GRM7: variants seen among roughly 807,000 people sequenced by gnomAD.
GRM7 encodes glutamate metabotropic receptor 7, also known as metabotropic glutamate receptor 7.
A neutral mutation model predicts 84.5 loss-of-function variants in GRM7; 35 were observed. The observed-to-expected ratio is 0.41, with a 90% confidence interval of 0.32 to 0.55. The LOEUF (loss-of-function observed/expected upper bound fraction) is 0.55, where lower values mean the gene tolerates loss of function less well. Among genes scored for constraint, GRM7 ranks in the 20% least tolerant of loss-of-function variants. GRM7 has a pLI of 0.19. For synonymous variants in GRM7, 487 were observed against 455.1 expected (o/e 1.07, Z -0.89); for missense variants, 1,003 against 1,194.6 (o/e 0.84, Z 2.36).
intron 5 of GRM7, among the ~76,000 whole-genome samples, chr3:7,425,417 C>T (rs1203660536): frequency 6.6e-6 from 1 of 152,192 alleles, no homozygotes; most frequent in African/African-American, 2.4e-5. Flanking sequence ...GTAGCCCTGA[C>T]TATAAAATTC....
intron 2 of GRM7, among the ~76,000 whole-genome samples, chr3:7,212,620 C>A (rs1181709991): frequency 6.6e-6 from 1 of 152,130 alleles, no homozygotes; most frequent in Non-Finnish European, 1.5e-5. Context: ...TAATTTTGTA[C>A]AATGTAGCTT....
intron 5 of GRM7, among the ~76,000 whole-genome samples, chr3:7,430,118 C>A (rs1696767709): frequency 6.6e-6 from 1 of 151,992 alleles, no homozygotes. Flanking sequence ...GACCTTATCT[C>A]AAATAAATAA....
intron 5 of GRM7, among the ~76,000 whole-genome samples, chr3:7,442,672 T>C (rs1697338124): frequency 6.6e-6 from 1 of 152,260 alleles, no homozygotes; most frequent in East Asian, 1.9e-4. Context: ...AGGAAGGGAC[T>C]AAAGTCCCTT....
chr3:7,556,594 A>G (rs1693772119), intron 7 of GRM7, among the ~76,000 whole-genome samples: 1 of 152,144 alleles, frequency 6.6e-6, no homozygotes. Flanking sequence ...GCATTGTACT[A>G]ACTGATGAGG....
At chr3:7,408,181 T>TA (rs1261569242) in intron 4 of GRM7, among the ~76,000 whole-genome samples, 4 of 152,202 alleles carry the variant, frequency 2.6e-5, no homozygotes, top group Admixed American at 6.5e-5. Context: ...ATCAATTTAA[T>TA]ATGTATTGTT....
At position 6,861,139 on chromosome 3, in the gene GRM7, AG is replaced by A; in HGVS notation, c.-249del. On this transcript the variant is annotated 5_prime_UTR_variant, in exon 1 of 10. Coordinates refer to ENST00000357716, the MANE Select transcript of GRM7 (RefSeq NM_000844.4). This position sits in a 1 kb window ranked among gnomAD's most constrained non-coding sequence, Gnocchi z 6.4. ...CAGTGCTGGGCTGTTGGAGAGAGCGAGCAGCAAGCCGGTGAGCGCGAGCGCG... is the reference window on the plus strand; with the variant it reads ...CAGTGCTGGGCTGTTGGAGAGAGCGACAGCAAGCCGGTGAGCGCGAGCGCG... 4.8e-6 allele frequency: 2 copies of A among 416,846 alleles called. No individual in the cohort carries two copies. Among genetic ancestry groups the A allele is most frequent in the Non-Finnish European group, 8.4e-6 (2 of 238,266 alleles). The allele number at this position is 416,846 out of a possible 1,614,324, so 25.8% of individuals were successfully genotyped here.
Position 7,394,907 on chromosome 3 carries a change from G to A in GRM7, c.1034-20116G>A, listed in dbSNP as rs572615677. ...ACAAAAATTAGCCAGGCGTGGTGGC[G>A]GGCACCCATAATCCCAGCTACTCAG... is the stretch of plus-strand genomic sequence containing the variant. On this transcript the variant is annotated intron_variant, in intron 4 of 9. Transcript: ENST00000357716. 8.8e-4 allele frequency among the ~76,000 whole-genome samples: 133 copies of A among 151,826 alleles called. 1 individual carries two copies. Among genetic ancestry groups the A allele is most frequent in the Non-Finnish European group, 1.5e-3 (105 of 67,980 alleles).
At chr3:7,707,458 T>A (rs1161291247) in intron 9 of GRM7, among the ~76,000 whole-genome samples, 1 of 152,140 alleles carries the variant, frequency 6.6e-6, no homozygotes, top group Non-Finnish European at 1.5e-5. Context: ...CCACGTGTGC[T>A]TTGCCATTAA....
At chr3:7,622,189 A>G (rs1697392033) in intron 8 of GRM7, among the ~76,000 whole-genome samples, 1 of 152,082 alleles carries the variant, frequency 6.6e-6, no homozygotes, top group Non-Finnish European at 1.5e-5. Context: ...TTGATAGTAG[A>G]TGTGTCAGTT....
chr3:7,281,413 T>C (rs976331388), intron 2 of GRM7, among the ~76,000 whole-genome samples: 1 of 152,156 alleles, frequency 6.6e-6, no homozygotes, highest in African/African-American at 2.4e-5. Context: ...AATGTTAGAG[T>C]TGGAAGATCT....
intron 8 of GRM7, among the ~76,000 whole-genome samples, chr3:7,627,262 C>T (rs1203265695): frequency 6.6e-6 from 1 of 152,160 alleles, no homozygotes; most frequent in Non-Finnish European, 1.5e-5. Flanking sequence ...TTGATCAGCA[C>T]ATGTTTGAGA....
At chr3:7,312,919 CT>C (rs1176838154) in intron 4 of GRM7, among the ~76,000 whole-genome samples, 1 of 140,968 alleles carries the variant, frequency 7.1e-6, no homozygotes, top group Non-Finnish European at 1.5e-5. Flanking sequence ...CCTTCTCCTC[CT>C]TTTTTTTCTT....
chr3:7,301,155 C>T (rs981686927), intron 3 of GRM7, among the ~76,000 whole-genome samples: 1 of 117,452 alleles, frequency 8.5e-6, no homozygotes, highest in African/African-American at 2.6e-5. Context: ...ATGGTCTTTG[C>T]TCACGATGTT....
At chr3:6,940,178 G>A (rs767905810) in intron 1 of GRM7, among the ~76,000 whole-genome samples, 8 of 152,034 alleles carry the variant, frequency 5.3e-5, no homozygotes, top group African/African-American at 1.2e-4. Flanking sequence ...TGCAGACTCC[G>A]CCTCCCGGGT....
Position 7,550,569 on chromosome 3 carries a change from CTCTCTCTCTGTGTGTG to C in GRM7, c.1516-27851_1516-27836del, listed in dbSNP as rs1484944949. Among the ~76,000 whole-genome samples the C allele has an allele frequency of 2.3e-3, 225 of 96,798 alleles. 1 individual carries two copies. The highest frequency in any genetic ancestry group is 7.2e-3 in the South Asian group (20 of 2,768). 63.5% of individuals were successfully genotyped at this position (96,798 alleles called of 152,430 possible). A position where few individuals can be genotyped will look rare whatever the true frequency, so the allele number is the denominator to read the frequency against. On this transcript the variant is annotated intron_variant, in intron 7 of 9. Coordinates refer to ENST00000357716, the MANE Select transcript of GRM7 (RefSeq NM_000844.4). ...TTCTTCTCTCTCTCTCTCTCTCTCT[CTCTCTCTCTGTGTGTG>C]TGTGTGTGTGTGTGTGTGTGTGTGT...
chr3:7,686,261 TCGCAGC>T, intron 9 of GRM7: 2 of 627,072 alleles, frequency 3.2e-6, no homozygotes, highest in South Asian at 4.2e-5. Flanking sequence ...ATGGTCTCTA[TCGCAGC>T]CTTTTCCCAA....
intron 7 of GRM7, among the ~76,000 whole-genome samples, chr3:7,483,158 C>T (rs1386455741): frequency 6.6e-6 from 1 of 152,120 alleles, no homozygotes; most frequent in African/African-American, 2.4e-5. Flanking sequence ...ATTGTAAATA[C>T]TGAGGATGCA....
At chr3:7,171,118 A>G (rs1287625210) in intron 2 of GRM7, among the ~76,000 whole-genome samples, 2 of 152,170 alleles carry the variant, frequency 1.3e-5, no homozygotes. Context: ...TTATGGACTC[A>G]CATTCCTGAA....
At chr3:7,112,616 C>T (rs1265383173) in intron 1 of GRM7, among the ~76,000 whole-genome samples, 1 of 152,114 alleles carries the variant, frequency 6.6e-6, no homozygotes, top group African/African-American at 2.4e-5. Context: ...GGTGTGCCAT[C>T]AGCCTGGTGT....
Sources: allele counts gnomAD v4.1 joint callset (sites outside exome capture counted in the v4.1 genomes callset), GRCh38; gene constraint gnomAD v4.1.1; non-coding constraint Gnocchi (gnomAD v3.1); transcripts MANE v1.5; gene names NCBI Gene and HGNC (gene_info 2026-07-23, HGNC 2026-07-21).